The following SLC2A3 variants were observed in gnomAD, a reference collection of about 807,000 sequenced individuals.
SLC2A3 encodes the protein solute carrier family 2, facilitated glucose transporter member 3.
A neutral mutation model predicts 46.4 loss-of-function variants in SLC2A3; 21 were observed. The ratio of observed to expected loss-of-function variants is 0.45; its 90% CI spans 0.32 to 0.65. SLC2A3 has a LOEUF of 0.65. SLC2A3 is among the 30% of genes least tolerant of loss of function. The probability of loss-of-function intolerance (pLI) is 0.04; values close to 1 mark genes in which losing one functional copy is unlikely to be tolerated. For synonymous variants in SLC2A3, 213 were observed against 239.4 expected (o/e 0.89, Z 1.02); for missense variants, 499 against 623.3 (o/e 0.80, Z 2.12).
Position 7,928,979 on chromosome 12 carries a change from C to T in SLC2A3, c.861+705G>A, listed in dbSNP as rs759009650. On this transcript the variant is annotated intron_variant, in intron 6 of 9. Transcript: ENST00000075120. ...TGGCTCCTCATAGATTCTGACATAACAGCCTCTAACCCCTCATAAGAAGCA... is the reference window on the plus strand; with the variant it reads ...TGGCTCCTCATAGATTCTGACATAATAGCCTCTAACCCCTCATAAGAAGCA... Among the ~76,000 whole-genome samples the T allele has an allele frequency of 3.9e-4, 59 of 152,040 alleles. 1 individual carries two copies. Among genetic ancestry groups the T allele is most frequent in the African/African-American group, 1.3e-3 (53 of 41,488 alleles).
chr12:7,920,459 T>A lies in SLC2A3; in HGVS notation c.*954A>T, dbSNP rs879131303. 1 of 152,124 alleles carries A rather than the reference T, an allele frequency of 6.6e-6. No individual in the cohort carries two copies. Among genetic ancestry groups the A allele is most frequent in the Non-Finnish European group, 1.5e-5 (1 of 68,024 alleles). The allele number at this position is 152,124 out of a possible 1,614,324, so 9.4% of individuals were successfully genotyped here. A position where few individuals can be genotyped will look rare whatever the true frequency, so the allele number is the denominator to read the frequency against. On this transcript the variant is annotated 3_prime_UTR_variant, in exon 10 of 10. Coordinates refer to ENST00000075120, the MANE Select transcript of SLC2A3 (RefSeq NM_006931.3). ...ATCCAAAATTAGAACCCATCAACCA[T>A]CATTAACTACAATGCCCATATTAGT...
rs921587342 is a variant in SLC2A3 at position 7,920,588 on chromosome 12, C to T, written c.*825G>A. 7 of 151,764 alleles carry T rather than the reference C, an allele frequency of 4.6e-5. No homozygotes were observed. The highest frequency in any genetic ancestry group is 1.3e-4 in the Admixed American group (2 of 15,242). 9.4% of individuals were successfully genotyped at this position (151,764 alleles called of 1,614,324 possible). A position where few individuals can be genotyped will look rare whatever the true frequency, so the allele number is the denominator to read the frequency against. On this transcript the variant is annotated 3_prime_UTR_variant, in exon 10 of 10. Coordinates refer to ENST00000075120, the MANE Select transcript of SLC2A3 (RefSeq NM_006931.3). ...TTATTATATAGGTATATGACTTTTA[C>T]GAGAAGTTAAAGAGTTTCCATCTGA... is the stretch of plus-strand genomic sequence containing the variant.
chr12:7,929,453 CT>C (rs11294774), intron 6 of SLC2A3: 60,489 of 457,358 alleles, frequency 0.13, 325 homozygotes, highest in Middle Eastern at 0.17. Flanking sequence ...CTTCCAGGGT[CT>C]TTTTTTTTTT....
chr12:7,933,791 A>T lies in SLC2A3; in HGVS notation c.108+19T>A, dbSNP rs187155599. ...AACTTCCCTATTCTAAATTCTAATT[A>T]TTGTGGCCTGGCACTCACCTTCTCA... is the stretch of plus-strand genomic sequence containing the variant. On this transcript the variant is annotated intron_variant, in intron 2 of 9. Transcript: ENST00000075120. 31 of 1,605,992 alleles carry T rather than the reference A, an allele frequency of 1.9e-5. No homozygotes were observed. The highest frequency in any genetic ancestry group is 2.5e-5 in the Non-Finnish European group (29 of 1,174,282).
rs1416788002 is a variant in SLC2A3, at chr12:7,936,068, C to A, written c.-34G>T. ...TCTAATTCAAGTCTTCAAGAAAGATCTAGGGGTGATTCCAGAAACAGCTTT... is the reference window on the plus strand; with the variant it reads ...TCTAATTCAAGTCTTCAAGAAAGATATAGGGGTGATTCCAGAAACAGCTTT... On this transcript the variant is annotated 5_prime_UTR_variant, in exon 1 of 10. Coordinates refer to ENST00000075120, the MANE Select transcript of SLC2A3 (RefSeq NM_006931.3). 4 of 1,593,106 alleles carry A rather than the reference C, an allele frequency of 2.5e-6. No individual in the cohort carries two copies. The highest frequency in any genetic ancestry group is 2.6e-6 in the Non-Finnish European group (3 of 1,160,916).
chr12:7,934,780 T>G (rs1231485479), intron 1 of SLC2A3, among the ~76,000 whole-genome samples: 1 of 151,996 alleles, frequency 6.6e-6, no homozygotes, highest in Admixed American at 6.6e-5. Context: ...GCTGGGAGCT[T>G]CAGCAGGAGA....
rs769304928 is a variant in SLC2A3 at position 7,932,803 on chromosome 12, C to A, written c.269+184G>T. ...TCTCTTGCACAGCTGGGTGGGAGCT[C>A]TCCAGGGTAGTAGAGCTCCAAGCAA... On this transcript the variant is annotated intron_variant, in intron 3 of 9. Coordinates refer to ENST00000075120, the MANE Select transcript of SLC2A3 (RefSeq NM_006931.3). The A allele has an allele frequency of 8.3e-5, 68 of 820,536 alleles. 1 individual carries two copies. Among genetic ancestry groups the A allele is most frequent in the Middle Eastern group, 3.7e-4 (1 of 2,668 alleles). The allele number at this position is 820,536 out of a possible 1,614,324, so 50.8% of individuals were successfully genotyped here.
At chr12:7,929,241 A>G (rs915264308) in intron 6 of SLC2A3, among the ~76,000 whole-genome samples, 8 of 152,076 alleles carry the variant, frequency 5.3e-5, no homozygotes, top group African/African-American at 1.7e-4. Context: ...AGGCACAGGA[A>G]TACTCTCTTC....
chr12:7,923,437 AAC>A lies in SLC2A3; in HGVS notation c.1069-415_1069-414del, dbSNP rs199903127. 343 of 169,878 alleles carry A rather than the reference AAC, an allele frequency of 2.0e-3. 13 individuals carry two copies. The East Asian group carries it at 0.046, about 23-fold the overall frequency. The allele number at this position is 169,878 out of a possible 1,614,324, so 10.5% of individuals were successfully genotyped here. On this transcript the variant is annotated intron_variant, in intron 8 of 9. Transcript: ENST00000075120. ...GAGACCAGCCTGGCTAACATGGTGAAACACAGTCTCTACTAAGAAGTACAAAA... is the reference window on the plus strand; with the variant it reads ...GAGACCAGCCTGGCTAACATGGTGAAACAGTCTCTACTAAGAAGTACAAAA...
Position 7,933,095 on chromosome 12 carries a change from G to A in SLC2A3, c.161C>T (p.Pro54Leu). 2.5e-6 allele frequency: 4 copies of A among 1,614,066 alleles called. No homozygotes were observed. The highest frequency in any genetic ancestry group is 3.4e-6 in the Non-Finnish European group (4 of 1,180,012). Residue 54 changes from proline to leucine, a missense_variant, in exon 3 of 10, where the codon CCC becomes CTC. Physicochemically the swap from Pro to Leu is moderately conservative, Grantham distance 98. Around this residue, in one of 5 missense-constraint regions of SLC2A3, gnomAD observed 248 missense variants for 284.0 expected, o/e 0.87. Transcript: ENST00000075120. ...KTLTDKGNAP[P>L]SEVLLTSLWS... is the part of the protein sequence containing the mutation. Reference sequence around the variant, plus strand: ...GAGAGACGTGAGCAGCACCTCAGAGGGTGGGGCATTTCCCTTGTCCGTCAA... The same window carrying A: ...GAGAGACGTGAGCAGCACCTCAGAGAGTGGGGCATTTCCCTTGTCCGTCAA...
At chr12:7,928,840 T>G (rs936136487) in intron 6 of SLC2A3, among the ~76,000 whole-genome samples, 2 of 152,114 alleles carry the variant, frequency 1.3e-5, no homozygotes, top group Admixed American at 6.5e-5. Context: ...AGTTTTTTTT[T>G]TAAAGACAGG....
At chr12:7,935,306 G>A (rs1279678540) in intron 1 of SLC2A3, among the ~76,000 whole-genome samples, 1 of 152,010 alleles carries the variant, frequency 6.6e-6, no homozygotes, top group Non-Finnish European at 1.5e-5. Context: ...TACAAAATTA[G>A]CCGGGCCCGG....
chr12:7,925,969 C>A, intron 6 of SLC2A3, 21 bp from the exon 7 acceptor site: 1 of 1,589,858 alleles, frequency 6.3e-7, no homozygotes. Context: ...AGAAAACATG[C>A]AGCTTTGATG....
Position 7,933,795 on chromosome 12 carries a change from T to C in SLC2A3, c.108+15A>G, listed in dbSNP as rs1946184590. 3 of 1,607,010 alleles carry C rather than the reference T, an allele frequency of 1.9e-6. No homozygotes were observed. Among genetic ancestry groups the C allele is most frequent in the South Asian group, 2.2e-5 (2 of 90,576 alleles). ...TCCCTATTCTAAATTCTAATTATTG[T>C]GGCCTGGCACTCACCTTCTCAGGAG... is the stretch of plus-strand genomic sequence containing the variant. On this transcript the variant is annotated intron_variant, in intron 2 of 9. Transcript: ENST00000075120.
intron 1 of SLC2A3, among the ~76,000 whole-genome samples, chr12:7,934,328 G>T (rs1354459430): frequency 6.6e-6 from 1 of 152,048 alleles, no homozygotes. Context: ...AGACTCCACG[G>T]AAGCCCACTG....
intron 8 of SLC2A3, 141 bp from the exon 9 acceptor site, chr12:7,923,165 T>C: frequency 1.2e-6 from 1 of 804,792 alleles, no homozygotes; most frequent in East Asian, 2.7e-5. Context: ...AAGGCTTGGA[T>C]TTATTTTTAT....
In SLC2A3 at chr12:7,919,332, GC is replaced by G. The variant is rs1716664611; in HGVS notation, c.*2080del. 6.6e-6 allele frequency: 1 copy of G among 152,206 alleles called. No homozygotes were observed. Among genetic ancestry groups the G allele is most frequent in the Non-Finnish European group, 1.5e-5 (1 of 68,018 alleles). 9.4% of individuals were successfully genotyped at this position (152,206 alleles called of 1,614,324 possible). ...TCTTCTCAGTGAGAAATGGGACCCT[GC>G]CTTACTGCCAACCTACTGTTTGAGG... On this transcript the variant is annotated 3_prime_UTR_variant, in exon 10 of 10. Transcript: ENST00000075120.
chr12:7,928,570 TTC>T (rs1475540103), intron 6 of SLC2A3, among the ~76,000 whole-genome samples: 1 of 151,918 alleles, frequency 6.6e-6, no homozygotes, highest in Non-Finnish European at 1.5e-5. Context: ...CTTTCATTCT[TTC>T]TTTTTTCTTT....
chr12:7,933,244 G>A, intron 2 of SLC2A3, 97 bp from the exon 3 acceptor site: 1 of 1,317,288 alleles, frequency 7.6e-7, no homozygotes, highest in Non-Finnish European at 1.1e-6. Flanking sequence ...GAGAATCAAG[G>A]GAATAAATAG....
Sources: gnomAD v4.1 joint callset for allele counts (sites outside exome capture counted in the v4.1 genomes callset) on GRCh38, gnomAD v4.1.1 for gene constraint, gnomAD v4.1.1 regional missense constraint, MANE v1.5 for transcripts, NCBI Gene and HGNC (gene_info 2026-07-23, HGNC 2026-07-21) for gene names.